Variants in MYO5B observed in about 807,000 individuals in gnomAD.
MYO5B encodes the protein myosin VB.
A neutral mutation model predicts 229.3 loss-of-function variants in MYO5B; 143 were observed. The ratio of observed to expected loss-of-function variants is 0.62; its 90% CI spans 0.54 to 0.72. The LOEUF (loss-of-function observed/expected upper bound fraction) is 0.72, where lower values mean the gene tolerates loss of function less well. Ranked by LOEUF, MYO5B falls within the 30% of genes least tolerant of loss-of-function variation. The pLI, the probability that MYO5B is intolerant of heterozygous loss-of-function variation, is 0.00. For synonymous variants in MYO5B, 918 were observed against 885.2 expected (o/e 1.04, Z -0.66); for missense variants, 2,321 against 2,331.0 (o/e 1.00, Z 0.09).
intron 14 of MYO5B, among the ~76,000 whole-genome samples, chr18:49,941,523 C>T (rs1385504399): frequency 1.3e-5 from 2 of 152,172 alleles, no homozygotes; most frequent in African/African-American, 2.4e-5. Context: ...CAAATCCCTG[C>T]TAAGGATACT....
intron 4 of MYO5B, among the ~76,000 whole-genome samples, chr18:50,034,744 AAAAAC>A (rs1321738388): frequency 1.3e-5 from 2 of 152,136 alleles, no homozygotes; most frequent in Non-Finnish European, 2.9e-5. Flanking sequence ...ACTCCATCTC[AAAAAC>A]AAAACAAAAC....
At chr18:50,026,564 C>A (rs2026333560) in intron 4 of MYO5B, among the ~76,000 whole-genome samples, 1 of 152,228 alleles carries the variant, frequency 6.6e-6, no homozygotes, top group Non-Finnish European at 1.5e-5. Flanking sequence ...ATAGAACTGG[C>A]TATCCTTATA....
rs889151857 is a variant in MYO5B at position 50,194,880 on chromosome 18, C to T, written c.-87G>A. 2.4e-6 allele frequency: 3 copies of T among 1,234,432 alleles called. No individual in the cohort carries two copies. Among genetic ancestry groups the T allele is most frequent in the Non-Finnish European group, 3.0e-6 (3 of 990,340 alleles). The allele number at this position is 1,234,432 out of a possible 1,614,324, so 76.5% of individuals were successfully genotyped here. A position where few individuals can be genotyped will look rare whatever the true frequency, so the allele number is the denominator to read the frequency against. On this transcript the variant is annotated 5_prime_UTR_variant, in exon 1 of 40. Coordinates refer to ENST00000285039, the MANE Select transcript of MYO5B (RefSeq NM_001080467.3). ...GCTGGCCCGCCTGGCGCCATGTTCC[C>T]GGGCTGGCCTGGAGTTTCTCGATCT...
intron 1 of MYO5B, among the ~76,000 whole-genome samples, chr18:50,194,161 A>G (rs1434437292): frequency 6.6e-6 from 1 of 151,970 alleles, no homozygotes; most frequent in South Asian, 2.1e-4. Context: ...GCACCCCTCT[A>G]CCCATTGCTT....
chr18:50,149,920 C>T (rs1447978050), intron 1 of MYO5B, among the ~76,000 whole-genome samples: 3 of 144,694 alleles, frequency 2.1e-5, no homozygotes, highest in South Asian at 2.3e-4. Flanking sequence ...AGAAAATTTT[C>T]ACAACCTACT....
At chr18:49,881,898 A>G (rs2024590559) in intron 22 of MYO5B, among the ~76,000 whole-genome samples, 1 of 152,328 alleles carries the variant, frequency 6.6e-6, no homozygotes, top group South Asian at 2.1e-4. Context: ...AAAAGTAACA[A>G]TTCAGCTGTG....
rs188227215 is a variant in MYO5B, at chr18:49,943,034, C to T, written c.1753-5637G>A. On this transcript the variant is annotated intron_variant, in intron 14 of 39. Transcript: ENST00000285039. ...TATACACCATGGAATACTATGCAGT[C>T]ATAAAAAAATGATGAGTTCATGTCC... Among the ~76,000 whole-genome samples the T allele has an allele frequency of 2.8e-3, 431 of 151,986 alleles. 1 individual carries two copies. Among genetic ancestry groups the T allele is most frequent in the African/African-American group, 9.7e-3 (402 of 41,412 alleles).
chr18:49,916,398 C>T (rs1177577686), intron 17 of MYO5B, among the ~76,000 whole-genome samples: 1 of 152,184 alleles, frequency 6.6e-6, no homozygotes, highest in African/African-American at 2.4e-5. Flanking sequence ...CTGGATGCCG[C>T]CCCTCCGCTA....
At chr18:50,181,387 T>G (rs765836842) in intron 1 of MYO5B, among the ~76,000 whole-genome samples, 38 of 152,222 alleles carry the variant, frequency 2.5e-4, no homozygotes, top group Non-Finnish European at 4.6e-4. Context: ...CAGATGATGA[T>G]GGCTAGTAAG....
rs150958569 is a variant in MYO5B at position 49,946,584 on chromosome 18, A to G, written c.1752+6676T>C. Among the ~76,000 whole-genome samples the G allele has an allele frequency of 3.3e-5, 5 of 152,296 alleles. No homozygotes were observed. The East Asian group carries it at 9.6e-4, about 29-fold the overall frequency. On this transcript the variant is annotated intron_variant, in intron 14 of 39. Transcript: ENST00000285039. ...GCTATCTATGCTTTTAATTTTATAC[A>G]TTAAACAGGGACTTTGTAACTTAAG... is the stretch of plus-strand genomic sequence containing the variant.
chr18:49,844,787 G>T (rs2024104244), intron 33 of MYO5B, among the ~76,000 whole-genome samples: 1 of 152,226 alleles, frequency 6.6e-6, no homozygotes, highest in Non-Finnish European at 1.5e-5. Context: ...TGTGCAGATT[G>T]CAAACAACTT....
At chr18:49,938,081 AG>A (rs1431101650) in intron 14 of MYO5B, among the ~76,000 whole-genome samples, 1 of 152,212 alleles carries the variant, frequency 6.6e-6, no homozygotes, top group Non-Finnish European at 1.5e-5. Context: ...AAAGATGCGC[AG>A]AACTTCATTT....
At chr18:50,059,204 CA>C (rs541055985) in intron 1 of MYO5B, among the ~76,000 whole-genome samples, 163 of 152,300 alleles carry the variant, frequency 1.1e-3, no homozygotes, top group African/African-American at 3.5e-3. Context: ...GTATAGGAAT[CA>C]GTGAACAGAG....
chr18:50,068,452 C>A (rs913370226), intron 1 of MYO5B, among the ~76,000 whole-genome samples: 1 of 152,180 alleles, frequency 6.6e-6, no homozygotes, highest in African/African-American at 2.4e-5. Context: ...GGGGTCCAAG[C>A]CCCCATAGAT....
At chr18:49,929,271 T>C (rs1229717736) in intron 17 of MYO5B, among the ~76,000 whole-genome samples, 1 of 152,118 alleles carries the variant, frequency 6.6e-6, no homozygotes, top group East Asian at 1.9e-4. Flanking sequence ...ACACCAAAAA[T>C]CTGAAATCTG....
In MYO5B at chr18:49,865,585, G is replaced by A. The variant is rs116363162; in HGVS notation, c.3604-1205C>T. On this transcript the variant is annotated intron_variant, in intron 27 of 39. Coordinates refer to ENST00000285039, the MANE Select transcript of MYO5B (RefSeq NM_001080467.3). ...GAGCACTGGGTGTGGAGGCAGCCCT[G>A]GGTCCCCTCCTGGCTCAAGGTGCAC... Among the ~76,000 whole-genome samples, 911 of 152,246 alleles carry A rather than the reference G, an allele frequency of 6.0e-3. 10 individuals carry two copies. Among genetic ancestry groups the A allele is most frequent in the African/African-American group, 0.02 (847 of 41,524 alleles).
intron 38 of MYO5B, 144 bp from the exon 39 acceptor site, chr18:49,835,568 T>G: frequency 1.5e-6 from 1 of 660,216 alleles, no homozygotes; most frequent in Admixed American, 2.4e-5. Context: ...GACTGACATT[T>G]ACACTTGGAG....
At position 49,953,360 on chromosome 18, in the gene MYO5B, CAGAG is replaced by C. The variant is rs1306299038; in HGVS notation, c.1669-21_1669-18del. Reference sequence around the variant, plus strand: ...GTACTCCACCTGGGGCCACAGCAACCAGAGAGAGACACAGTCGTTAGTGCTTCAG... The same window carrying C: ...GTACTCCACCTGGGGCCACAGCAACCAGAGACACAGTCGTTAGTGCTTCAG... On this transcript the variant is annotated intron_variant, in intron 13 of 39. Transcript: ENST00000285039. 1 of 1,609,328 alleles carries C rather than the reference CAGAG, an allele frequency of 6.2e-7. No individual in the cohort carries two copies. The highest frequency in any genetic ancestry group is 8.5e-7 in the Non-Finnish European group (1 of 1,175,582).
intron 17 of MYO5B, among the ~76,000 whole-genome samples, chr18:49,918,102 A>C (rs959688533): frequency 2.0e-5 from 3 of 152,256 alleles, no homozygotes; most frequent in African/African-American, 7.2e-5. Context: ...TGGTGCAGGA[A>C]GCGCAGTAGC....
Sources: gnomAD v4.1 joint callset for allele counts (sites outside exome capture counted in the v4.1 genomes callset) on GRCh38, gnomAD v4.1.1 for gene constraint, MANE v1.5 for transcripts, NCBI Gene and HGNC (gene_info 2026-07-23, HGNC 2026-07-21) for gene names.